Variants in ZNF219 observed in about 807,000 individuals in gnomAD.
The protein encoded by ZNF219 is zinc finger protein 219.
In ZNF219, 17 loss-of-function variants were observed where a neutral mutation model predicts 54.4. That is an observed-to-expected ratio of 0.31 (90% CI 0.21 to 0.47). ZNF219 has a LOEUF of 0.47. Among genes scored for constraint, ZNF219 ranks in the 20% least tolerant of loss-of-function variants. The probability of loss-of-function intolerance (pLI) is 1.00; values close to 1 mark genes in which losing one functional copy is unlikely to be tolerated. For missense variants in ZNF219, 1,014 were observed against 1,062.3 expected (o/e 0.95, Z 0.63); for synonymous variants, 518 against 476.4 (o/e 1.09, Z -1.14).
At chr14:21,093,452 G>A (rs1370094389) in intron 2 of ZNF219, 134 bp downstream of exon 2, 1 of 1,420,596 alleles carries the variant, frequency 7.0e-7, no homozygotes, top group Non-Finnish European at 9.7e-7. Flanking sequence ...GGTGGGGGGA[G>A]GTGTATGGGA....
Position 21,090,155 on chromosome 14 carries a change from G to C in ZNF219, c.*381C>G. 1 of 484,806 alleles carries C rather than the reference G, an allele frequency of 2.1e-6. No individual in the cohort carries two copies. The highest frequency in any genetic ancestry group is 4.0e-6 in the Non-Finnish European group (1 of 248,554). The allele number at this position is 484,806 out of a possible 1,614,324, so 30.0% of individuals were successfully genotyped here. On this transcript the variant is annotated 3_prime_UTR_variant, in exon 5 of 5. Transcript: ENST00000360947. The surrounding 1 kb of genome is among the most constrained non-coding windows in gnomAD (Gnocchi z 4.4). ...CAGGAATCGTACCAAAAATAGCGACGTCTACAGGGCCCCTGATGGGGCTAG... is the reference window on the plus strand; with the variant it reads ...CAGGAATCGTACCAAAAATAGCGACCTCTACAGGGCCCCTGATGGGGCTAG...
At chr14:21,096,900 G>A (rs1566553361) in intron 1 of ZNF219, among the ~76,000 whole-genome samples, 1 of 152,192 alleles carries the variant, frequency 6.6e-6, no homozygotes, top group Non-Finnish European at 1.5e-5. Context: ...GGGTCAAAGT[G>A]TAAGGAGCAA....
At chr14:21,102,701 G>A, upstream of ZNF219, 2 of 1,551,552 alleles carry the variant, frequency 1.3e-6, 1 homozygote, top group Middle Eastern at 3.3e-4. Flanking sequence ...TGGTCTCAGT[G>A]CACGCCCTAT....
chr14:21,103,373 C>T (rs1243348857), upstream of ZNF219: 11 of 1,439,324 alleles, frequency 7.6e-6, no homozygotes, highest in Non-Finnish European at 9.1e-6. Flanking sequence ...TCAAAGCAGG[C>T]CCTTTTTTCG....
chr14:21,104,254 C>G (rs937886897), intron 1 of ZNF219: 2 of 152,248 alleles, frequency 1.3e-5, no homozygotes, highest in African/African-American at 4.8e-5. Context: ...ATCTCCAACG[C>G]GGGAGCGGGA....
chr14:21,090,414 T>A lies in ZNF219; in HGVS notation c.*122A>T. 1 of 1,360,022 alleles carries A rather than the reference T, an allele frequency of 7.4e-7. No homozygotes were observed. Among genetic ancestry groups the A allele is most frequent in the Non-Finnish European group, 9.9e-7 (1 of 1,009,458 alleles). The allele number at this position is 1,360,022 out of a possible 1,614,324, so 84.2% of individuals were successfully genotyped here. On this transcript the variant is annotated 3_prime_UTR_variant, in exon 5 of 5. Transcript: ENST00000360947. The surrounding 1 kb of genome is among the most constrained non-coding windows in gnomAD (Gnocchi z 4.4). ...CGCCCGCCGCGCCTTCCACCTCTGG[T>A]CCGCCTGGGGCTGGGATATGGGTCC...
upstream of ZNF219, chr14:21,101,569 G>A (rs761634685): frequency 5.0e-5 from 47 of 945,390 alleles, no homozygotes; most frequent in Non-Finnish European, 7.0e-5. Flanking sequence ...ACTGAGCTAG[G>A]TTCTGAATGG....
chr14:21,091,109 G>T lies in ZNF219; in HGVS notation c.1596C>A (p.Asp532Glu). Residue 532 changes from aspartate to glutamate, a missense_variant, in exon 5 of 5, where the codon GAC becomes GAA. Asp to Glu is a conservative substitution (Grantham distance 45, BLOSUM62 2). Transcript: ENST00000360947. Reference sequence around the variant, plus strand: ...GCGAGCCGGACTGGGTGCCCGCGTAGTCGCAGTGCGGACACTTGTAGGGCC... The same window carrying T: ...GCGAGCCGGACTGGGTGCCCGCGTATTCGCAGTGCGGACACTTGTAGGGCC... Reference protein sequence around the residue: ...GERPYKCPHCDYAGTQSGSLK... With the variant: ...GERPYKCPHCEYAGTQSGSLK... 1 of 1,587,480 alleles carries T rather than the reference G, an allele frequency of 6.3e-7. No individual in the cohort carries two copies.
rs61749060 is a variant in ZNF219 at position 21,093,006 on chromosome 14, C to T, written c.291G>A (p.Arg97=). The T allele has an allele frequency of 1.9e-3, 3,015 of 1,598,356 alleles. 63 individuals are homozygous for T. The African/African-American group carries it at 0.035, about 19-fold the overall frequency. The stretch of plus-strand genomic sequence containing the variant: ...TGCGCAGGTGCGAGCGCAGCAGAGC[C>T]CGCTGCGCCGCGCGGTGGCCGCAGT... ...CPHCGHRAAQ[R]ALLRSHLRTH... The change falls in exon 3 of 5, where the codon CGG becomes CGA. Residue 97 remains arginine (R), a synonymous_variant. Coordinates refer to ENST00000360947, the MANE Select transcript of ZNF219 (RefSeq NM_016423.3).
In ZNF219 at chr14:21,090,373, C is replaced by T; in HGVS notation, c.*163G>A. On this transcript the variant is annotated 3_prime_UTR_variant, in exon 5 of 5. Coordinates refer to ENST00000360947, the MANE Select transcript of ZNF219 (RefSeq NM_016423.3). The surrounding 1 kb of genome is among the most constrained non-coding windows in gnomAD (Gnocchi z 4.4). ...ACTCCCTTGGGCTGGGTGGGTACCG[C>T]CAGCCCACCCTCCTACGCCCGCCGC... 1 of 984,376 alleles carries T rather than the reference C, an allele frequency of 1.0e-6. No homozygotes were observed. The highest frequency in any genetic ancestry group is 1.5e-6 in the Non-Finnish European group (1 of 664,752). The allele number at this position is 984,376 out of a possible 1,614,324, so 61.0% of individuals were successfully genotyped here.
At chr14:21,099,363 G>A (rs1889500304), upstream of ZNF219, among the ~76,000 whole-genome samples, 2 of 152,272 alleles carry the variant, frequency 1.3e-5, no homozygotes, top group Admixed American at 1.3e-4. Flanking sequence ...TGCAGGCTCG[G>A]GGATCCTCAG....
upstream of ZNF219, chr14:21,103,578 C>CA: frequency 6.8e-6 from 2 of 292,972 alleles, no homozygotes. Flanking sequence ...CCGGACCCTG[C>CA]ACACGCCAAC....
Position 21,098,410 on chromosome 14 carries a change from G to C in ZNF219, c.-182C>G, listed in dbSNP as rs1230499693. ...GCGTCAGCGTTACGTGGGGCCGGGG[G>C]AGATGCGCCGGGCCCCGGCCCCCCC... is the stretch of plus-strand genomic sequence containing the variant. On this transcript the variant is annotated 5_prime_UTR_variant, in exon 1 of 5. Transcript: ENST00000360947. 8 of 547,740 alleles carry C rather than the reference G, an allele frequency of 1.5e-5. No individual in the cohort carries two copies. Among genetic ancestry groups the C allele is most frequent in the Non-Finnish European group, 1.8e-5 (8 of 434,888 alleles). 33.9% of individuals were successfully genotyped at this position (547,740 alleles called of 1,614,324 possible).
chr14:21,093,379 C>G (rs1889090992), intron 2 of ZNF219, 89 bp from the exon 3 acceptor site: 1 of 1,499,564 alleles, frequency 6.7e-7, no homozygotes, highest in Non-Finnish European at 8.9e-7. Flanking sequence ...AAGGACAACA[C>G]GAGGGAAGGT....
rs1465032703 is a variant in ZNF219 at position 21,091,914 on chromosome 14, C to T, written c.1383G>A (p.Gly461=). 1.3e-6 allele frequency: 2 copies of T among 1,597,604 alleles called. No individual in the cohort carries two copies. Among genetic ancestry groups the T allele is most frequent in the Non-Finnish European group, 1.7e-6 (2 of 1,173,288 alleles). The part of the protein sequence containing the change: ...SLHPRPGEGP[G]HSASAAGAQA... Reference sequence around the variant, plus strand: ...GGGCCCCAGCAGCAGAGGCAGAGTGCCCCGGTCCCTCACCCGGGCGCGGGT... The same window carrying T: ...GGGCCCCAGCAGCAGAGGCAGAGTGTCCCGGTCCCTCACCCGGGCGCGGGT... Residue 461 remains glycine, a synonymous_variant, in exon 3 of 5, where the codon GGG becomes GGA. Coordinates refer to ENST00000360947, the MANE Select transcript of ZNF219 (RefSeq NM_016423.3).
At chr14:21,094,001 A>G (rs1340922613) in intron 1 of ZNF219, among the ~76,000 whole-genome samples, 4 of 152,178 alleles carry the variant, frequency 2.6e-5, no homozygotes, top group African/African-American at 9.7e-5. Context: ...TGGGCTATGC[A>G]GTGTGGTGAG....
At chr14:21,101,417 G>A, upstream of ZNF219, 2 of 1,551,622 alleles carry the variant, frequency 1.3e-6, no homozygotes, top group Non-Finnish European at 1.7e-6. Flanking sequence ...CACTGGGCAA[G>A]GCACAGGCAG....
upstream of ZNF219, chr14:21,101,651 G>A: frequency 1.5e-6 from 1 of 652,482 alleles, no homozygotes; most frequent in Non-Finnish European, 2.6e-6. Context: ...TCCATCTTGT[G>A]GGGGAAAACA....
upstream of ZNF219, among the ~76,000 whole-genome samples, chr14:21,100,392 T>C (rs1889559386): frequency 6.6e-6 from 1 of 151,546 alleles, no homozygotes; most frequent in South Asian, 2.1e-4. Context: ...ATAATAATAA[T>C]GTATCCAAGA....
Sources: gnomAD v4.1 joint callset for allele counts (sites outside exome capture counted in the v4.1 genomes callset) on GRCh38, gnomAD v4.1.1 for gene constraint, Gnocchi (gnomAD v3.1) non-coding constraint, MANE v1.5 for transcripts, NCBI Gene and HGNC (gene_info 2026-07-23, HGNC 2026-07-21) for gene names.